The following THBS2 variants were observed in gnomAD, a reference collection of about 807,000 sequenced individuals.
THBS2 encodes thrombospondin 2.
THBS2 carries 47 observed loss-of-function variants against 135.2 expected under a neutral mutation model. The observed-to-expected ratio is 0.35, with a 90% CI of 0.28 to 0.44. The LOEUF (loss-of-function observed/expected upper bound fraction) is 0.44. Ranked by LOEUF, THBS2 falls within the 20% of genes least tolerant of loss-of-function variation. THBS2 has a pLI of 1.00. For missense variants in THBS2, 1,288 were observed against 1,603.1 expected (o/e 0.80, Z 3.36); for synonymous variants, 639 against 633.8 (o/e 1.01, Z -0.12).
Position 169,239,675 on chromosome 6 carries a change from G to A in THBS2, c.1053C>T (p.His351=). The change falls in exon 7 of 22, where the codon CAC becomes CAT. Residue 351 remains histidine, a synonymous_variant. Transcript: ENST00000617924. ...CTCKKFKTIC[H]QITCPPATCA... Reference sequence around the variant, plus strand: ...AGGTTGCAGGCGGGCAGGTGATTTGGTGGCAAATGGTTTTAAATTTCTACA... The same window carrying A: ...AGGTTGCAGGCGGGCAGGTGATTTGATGGCAAATGGTTTTAAATTTCTACA... The A allele has an allele frequency of 6.2e-7, 1 of 1,600,720 alleles. No homozygotes were observed.
At chr6:169,245,522 G>A (rs1041492330) in intron 4 of THBS2, among the ~76,000 whole-genome samples, 2 of 152,104 alleles carry the variant, frequency 1.3e-5, no homozygotes, top group Non-Finnish European at 2.9e-5. Flanking sequence ...GCCGGGCGTG[G>A]TGGCTCACAC....
At chr6:169,231,799 A>C (rs549470522) in intron 13 of THBS2, among the ~76,000 whole-genome samples, 181 bp downstream of exon 13, 2 of 152,216 alleles carry the variant, frequency 1.3e-5, no homozygotes, top group East Asian at 3.9e-4. Context: ...TGTGTCTACT[A>C]AGGACCTCCA....
Position 169,241,937 on chromosome 6 carries a change from T to C in THBS2, c.716A>G (p.Glu239Gly), listed in dbSNP as rs771188299. The change falls in exon 5 of 22, where the codon GAG (glutamate) becomes GGG (glycine). Residue 239 changes from glutamate (E) to glycine (G), a missense_variant. Coordinates refer to ENST00000617924, the MANE Select transcript of THBS2 (RefSeq NM_003247.5). The surrounding 1 kb of genome is among the most constrained non-coding windows in gnomAD (Gnocchi z 5.5). ...ACCCAGGCGCAGCGTCTCTGTGTTC[T>C]CACTGATGGCGTTGATCTCAGCTGA... ...GQGAEINAIS[E>G]NTETLRLGPH... The C allele has an allele frequency of 1.9e-6, 3 of 1,610,816 alleles. No homozygotes were observed. In the East Asian group the frequency reaches 6.7e-5, roughly 36 times the overall value.
At chr6:169,222,981 A>T (rs1447092439) in intron 18 of THBS2, among the ~76,000 whole-genome samples, 2 of 152,064 alleles carry the variant, frequency 1.3e-5, no homozygotes, top group African/African-American at 4.8e-5. Flanking sequence ...AACTTACAAG[A>T]GTTCTGAGAG....
intron 15 of THBS2, among the ~76,000 whole-genome samples, chr6:169,227,898 A>G (rs1243113928): frequency 2.0e-5 from 3 of 152,152 alleles, no homozygotes; most frequent in African/African-American, 4.8e-5. Context: ...CCTGGCCAAC[A>G]TGGTGAAACC....
chr6:169,253,157 T>C, intron 1 of THBS2, among the ~76,000 whole-genome samples: 1 of 152,216 alleles, frequency 6.6e-6, no homozygotes, highest in East Asian at 1.9e-4. Context: ...CAGCTGCTAA[T>C]AATGTTAACA....
chr6:169,223,136 C>T (rs1779492655), intron 18 of THBS2, 112 bp downstream of exon 18: 1 of 1,017,386 alleles, frequency 9.8e-7, no homozygotes, highest in East Asian at 2.6e-5. Flanking sequence ...TGGGGGCTTC[C>T]AGAAAGACCA....
intron 17 of THBS2, 57 bp from the exon 18 acceptor site, chr6:169,223,532 T>C (rs1273516474): frequency 2.8e-5 from 42 of 1,520,652 alleles, no homozygotes; most frequent in Non-Finnish European, 3.6e-5. Context: ...AAGTCGGTGG[T>C]CGGTGGTTTG....
chr6:169,220,249 C>T lies in THBS2; in HGVS notation c.3460G>A (p.Val1154Ile), dbSNP rs1397777735. Reference protein sequence around the residue: ...TYAGGRLGLFVFSQEMVYFSD... With the variant: ...TYAGGRLGLFIFSQEMVYFSD... ...AAATAGACCATTTCTTGAGAGAAGA[C>T]AAATAGACCCAGCCGCCCGCCAGCG... is the stretch of plus-strand genomic sequence containing the variant. The change falls in exon 21 of 22, where the codon GTC becomes ATC. Residue 1154 changes from valine (V) to isoleucine (I), a missense_variant. By Grantham distance (29) the Val-to-Ile change is conservative (BLOSUM62 3). Transcript: ENST00000617924. 6.2e-7 allele frequency: 1 copy of T among 1,613,764 alleles called. No individual in the cohort carries two copies. Among genetic ancestry groups the T allele is most frequent in the African/African-American group, 1.3e-5 (1 of 74,898 alleles).
At chr6:169,227,185 C>T (rs543618329) in intron 15 of THBS2, among the ~76,000 whole-genome samples, 40 of 152,228 alleles carry the variant, frequency 2.6e-4, no homozygotes, top group Non-Finnish European at 3.4e-4. Context: ...GGGTGGCTGG[C>T]GCCGGGCTGG....
chr6:169,219,838 T>TTTCCTTCCTTCCTTCTTTCCTTCC (rs56279312), intron 21 of THBS2: 2 of 536,126 alleles, frequency 3.7e-6, no homozygotes, highest in Non-Finnish European at 7.3e-6. Context: ...TCCTTCCTTC[T>TTTCCTTCCTTCCTTCTTTCCTTCC]TTCCTTCCTG....
rs1780304052 is a variant in THBS2, at chr6:169,241,720, C to T, written c.891+42G>A. 6.4e-7 allele frequency: 1 copy of T among 1,558,366 alleles called. No homozygotes were observed. The highest frequency in any genetic ancestry group is 8.8e-7 in the Non-Finnish European group (1 of 1,142,654). On this transcript the variant is annotated intron_variant, in intron 5 of 21. Coordinates refer to ENST00000617924, the MANE Select transcript of THBS2 (RefSeq NM_003247.5). The surrounding 1 kb of genome is among the most constrained non-coding windows in gnomAD (Gnocchi z 5.5). ...CTGAGATGGGCCAGCGGCGGAGCTG[C>T]CCATGCCCTATGACCCCCGCGGCCC...
Position 169,216,317 on chromosome 6 carries a change from C to A in THBS2, c.*1505G>T, listed in dbSNP as rs572342308. 5.9e-4 allele frequency: 90 copies of A among 152,276 alleles called. No homozygotes were observed. The highest frequency in any genetic ancestry group is 2.0e-3 in the African/African-American group (85 of 41,548). The allele number at this position is 152,276 out of a possible 1,614,324, so 9.4% of individuals were successfully genotyped here. ...AAGGGGAAAAAGATTTGCCCCCTAT[C>A]CATCATCAGACAGACAGACTTCTCT... On this transcript the variant is annotated 3_prime_UTR_variant, in exon 22 of 22. Transcript: ENST00000617924.
rs2115016908 is a variant in THBS2, at chr6:169,241,315, C to T, written c.891+447G>A. Among the ~76,000 whole-genome samples the T allele has an allele frequency of 6.6e-6, 1 of 152,318 alleles. No individual in the cohort carries two copies. The highest frequency in any genetic ancestry group is 2.4e-5 in the African/African-American group (1 of 41,572). ...CTGTGCCGCTCAAACCCATTTCACT[C>T]CTGCCAGCCTCACAGGAACTTCCCG... On this transcript the variant is annotated intron_variant, in intron 5 of 21. Coordinates refer to ENST00000617924, the MANE Select transcript of THBS2 (RefSeq NM_003247.5). This position sits in a 1 kb window ranked among gnomAD's most constrained non-coding sequence, Gnocchi z 5.5.
Position 169,250,637 on chromosome 6 carries a change from T to C in THBS2, c.52+96A>G, listed in dbSNP as rs115761990. ...AGCTAGAAGGTCCTCACGGGTAAGA[T>C]TGTCCAACCACACACTTTATTTTGT... On this transcript the variant is annotated intron_variant, in intron 2 of 21. Transcript: ENST00000617924. 3,404 of 1,149,592 alleles carry C rather than the reference T, an allele frequency of 3.0e-3. 91 individuals are homozygous for C. In the African/African-American group the frequency reaches 0.047, roughly 16 times the overall value. 71.2% of individuals were successfully genotyped at this position (1,149,592 alleles called of 1,614,324 possible).
chr6:169,223,716 G>A (rs1316590592), intron 17 of THBS2, among the ~76,000 whole-genome samples: 4 of 152,150 alleles, frequency 2.6e-5, no homozygotes, highest in African/African-American at 4.8e-5. Context: ...GCAAAGGCCA[G>A]CACAGCAAAT....
intron 3 of THBS2, among the ~76,000 whole-genome samples, chr6:169,248,173 GTT>G (rs978423310): frequency 8.0e-5 from 12 of 150,756 alleles, no homozygotes; most frequent in African/African-American, 2.7e-4. Flanking sequence ...GAGCATGTGT[GTT>G]TGTGTGTGTG....
At chr6:169,251,458 C>T (rs1780751699) in intron 1 of THBS2, among the ~76,000 whole-genome samples, 1 of 152,272 alleles carries the variant, frequency 6.6e-6, no homozygotes, top group African/African-American at 2.4e-5. Context: ...TTTAAGTTGG[C>T]ACAGCTCAGT....
chr6:169,232,589 T>C, intron 12 of THBS2, 75 bp downstream of exon 12: 1 of 1,531,798 alleles, frequency 6.5e-7, no homozygotes, highest in Non-Finnish European at 8.8e-7. Flanking sequence ...CTCTCCTTCC[T>C]CCTGCTGCTT....
Sources: allele counts gnomAD v4.1 joint callset (sites outside exome capture counted in the v4.1 genomes callset), GRCh38; gene constraint gnomAD v4.1.1; non-coding constraint Gnocchi (gnomAD v3.1); transcripts MANE v1.5; gene names NCBI Gene and HGNC (gene_info 2026-07-23, HGNC 2026-07-21).